Variants in MFSD12 observed in about 807,000 individuals in gnomAD.
MFSD12 encodes the protein major facilitator superfamily domain containing 12, also known as major facilitator superfamily domain-containing protein 12.
Under a neutral mutation model 51.2 loss-of-function variants are expected in MFSD12, and 67 were observed. That is an observed-to-expected ratio of 1.31 (90% CI 1.08 to 1.60). The LOEUF (loss-of-function observed/expected upper bound fraction) is 1.60. Among genes scored for constraint, MFSD12 ranks in the 40% most tolerant of loss-of-function variants. MFSD12 has a pLI of 0.00. For synonymous variants in MFSD12, 441 were observed against 316.7 expected (o/e 1.39, Z -4.17); for missense variants, 921 against 673.0 (o/e 1.37, Z -4.08).
At position 3,544,336 on chromosome 19, in the gene MFSD12, C is replaced by T; in HGVS notation, c.*374G>A. The T allele has an allele frequency of 7.9e-7, 1 of 1,272,766 alleles. No homozygotes were observed. The highest frequency in any genetic ancestry group is 9.9e-7 in the Non-Finnish European group (1 of 1,009,070). 78.8% of individuals were successfully genotyped at this position (1,272,766 alleles called of 1,614,324 possible). ...CAGGCTCCAGCCGTCCTGAGGGGGC[C>T]CTGGCAGTGTCTGGAGACCCCCAGG... On this transcript the variant is annotated 3_prime_UTR_variant, in exon 10 of 10. Transcript: ENST00000355415.
downstream of MFSD12, chr19:3,543,984 C>T (rs1176220362): frequency 6.5e-7 from 1 of 1,547,502 alleles, no homozygotes; most frequent in Non-Finnish European, 8.7e-7. Flanking sequence ...GCGGTCCCCG[C>T]CTTCCCTCAC....
intron 2 of MFSD12, among the ~76,000 whole-genome samples, chr19:3,548,948 CACAGGCAG>C (rs1342668360): frequency 4.4e-5 from 6 of 135,962 alleles, no homozygotes; most frequent in African/African-American, 2.2e-4. Context: ...GCTGGTGATA[CACAGGCAG>C]ATGTGGAGAC....
chr19:3,539,163 G>C (rs2030139441), intron 4 of MFSD12: 1 of 1,543,564 alleles, frequency 6.5e-7, no homozygotes, highest in African/African-American at 1.4e-5. Context: ...AGGAGCCCGG[G>C]GGATCCAGGC....
At chr19:3,543,216 GC>G, downstream of MFSD12, 1 of 1,538,352 alleles carries the variant, frequency 6.5e-7, no homozygotes. Context: ...CTCAGTCTCT[GC>G]CCCCTGCCCA....
At chr19:3,552,058 G>A (rs573716339) in intron 1 of MFSD12, among the ~76,000 whole-genome samples, 2 of 152,196 alleles carry the variant, frequency 1.3e-5, no homozygotes, top group East Asian at 1.9e-4. Flanking sequence ...CTCACCCTTC[G>A]GAGCACCCGG....
At chr19:3,547,568 G>T in intron 4 of MFSD12, 21 bp from the exon 5 acceptor site, 2 of 1,591,944 alleles carry the variant, frequency 1.3e-6, no homozygotes, top group Non-Finnish European at 1.7e-6. Flanking sequence ...ACCGACAGAG[G>T]GACTGGCAGG....
intron 1 of MFSD12, among the ~76,000 whole-genome samples, chr19:3,553,128 C>T (rs886835502): frequency 6.6e-6 from 1 of 152,152 alleles, no homozygotes; most frequent in Non-Finnish European, 1.5e-5. Context: ...TGCGCAGATT[C>T]CTGGGGTCCT....
intron 1 of MFSD12, among the ~76,000 whole-genome samples, chr19:3,552,748 G>T (rs1369110274): frequency 6.6e-6 from 1 of 152,138 alleles, no homozygotes; most frequent in African/African-American, 2.4e-5. Flanking sequence ...GCCTCCCAAA[G>T]TGCTCGGATT....
Position 3,557,418 on chromosome 19 carries a change from C to T in MFSD12, c.-15G>A. 1.6e-6 allele frequency: 2 copies of T among 1,215,220 alleles called. No homozygotes were observed. Among genetic ancestry groups the T allele is most frequent in the Non-Finnish European group, 2.1e-6 (2 of 972,674 alleles). The allele number at this position is 1,215,220 out of a possible 1,614,324, so 75.3% of individuals were successfully genotyped here. ...CCCGGGCCCATCGCGGCGCCGGGCC[C>T]GCGCCCCCCACCCCCGGGCTCCGCG... On this transcript the variant is annotated 5_prime_UTR_variant, in exon 1 of 10. Transcript: ENST00000355415.
At position 3,544,860 on chromosome 19, in the gene MFSD12, C is replaced by T. The variant is rs766686590; in HGVS notation, c.1369G>A (p.Ala457Thr). Residue 457 changes from alanine (A) to threonine (T), a missense_variant, in exon 9 of 10, where the codon GCT becomes ACT. Ala to Thr is a moderately conservative substitution (Grantham distance 58). Coordinates refer to ENST00000355415, the MANE Select transcript of MFSD12 (RefSeq NM_174983.5). The part of the protein sequence containing the change: ...VAVTGGVGVA[A>T]ALCLCSLLLW... The stretch of plus-strand genomic sequence containing the variant: ...AGGAGGCTACAGAGACACAGGGCAG[C>T]GGCCACGCCCACGCCGCCCGTCACA... The T allele has an allele frequency of 1.2e-4, 195 of 1,611,566 alleles. No individual in the cohort carries two copies. The highest frequency in any genetic ancestry group is 1.4e-4 in the Non-Finnish European group (165 of 1,179,582).
rs1329439093 is a variant in MFSD12, at chr19:3,551,024, C to T, written c.469G>A (p.Val157Ile). ...TCCACCTTCTCATGGTCGTTGGTGA[C>T]GAGCTCCGGGATGAGGCTGAGGTGG... ...ISHLSLIPEL[V>I]TNDHEKVELT... is the part of the protein sequence containing the mutation. The change falls in exon 2 of 10, where the codon GTC becomes ATC. Residue 157 changes from valine to isoleucine, a missense_variant. Physicochemically the swap from Val to Ile is conservative, Grantham distance 29. Coordinates refer to ENST00000355415, the MANE Select transcript of MFSD12 (RefSeq NM_174983.5). This position sits in a 1 kb window ranked among gnomAD's most constrained non-coding sequence, Gnocchi z 4.6. 9.3e-6 allele frequency: 15 copies of T among 1,612,708 alleles called. No homozygotes were observed. The highest frequency in any genetic ancestry group is 2.2e-5 in the East Asian group (1 of 44,876).
Position 3,546,388 on chromosome 19 carries a change from A to G in MFSD12, c.1061T>C (p.Phe354Ser). 6.2e-7 allele frequency: 1 copy of G among 1,608,464 alleles called. No individual in the cohort carries two copies. Among genetic ancestry groups the G allele is most frequent in the Non-Finnish European group, 8.5e-7 (1 of 1,178,096 alleles). ...CTCCGCCAGCGCCACCCAGGCGGCA[A>G]AGGCCAGGATCACCAGGAGGCCTGA... ...YFSGLLVILA[F>S]AAWVALAEGL... Residue 354 changes from phenylalanine to serine, a missense_variant, in exon 7 of 10, where the codon TTT (phenylalanine) becomes TCT (serine). Phe to Ser is a radical substitution (Grantham distance 155). Coordinates refer to ENST00000355415, the MANE Select transcript of MFSD12 (RefSeq NM_174983.5).
intron 2 of MFSD12, among the ~76,000 whole-genome samples, chr19:3,550,140 C>T (rs1046637534): frequency 1.3e-5 from 2 of 152,174 alleles, no homozygotes; most frequent in African/African-American, 2.4e-5. Context: ...TTCCATAAGA[C>T]GCTAGCCCTG....
chr19:3,547,427 C>A, intron 5 of MFSD12, 28 bp downstream of exon 5: 1 of 1,611,710 alleles, frequency 6.2e-7, no homozygotes, highest in Non-Finnish European at 8.5e-7. Context: ...GCCGTCCCAT[C>A]CCAGCGTCCC....
downstream of MFSD12, chr19:3,543,175 A>G (rs2030574852): frequency 6.6e-7 from 1 of 1,523,306 alleles, no homozygotes; most frequent in Admixed American, 2.0e-5. Context: ...AGACATCGCA[A>G]AGGGGTCAAA....
Position 3,551,275 on chromosome 19 carries a change from G to C in MFSD12, c.299-81C>G. ...AGGGTGAGGACATGGAGGGAGGAGAGAGGGAAACTGAGGCACAGATGGAGA... is the reference window on the plus strand; with the variant it reads ...AGGGTGAGGACATGGAGGGAGGAGACAGGGAAACTGAGGCACAGATGGAGA... On this transcript the variant is annotated intron_variant, in intron 1 of 9. Transcript: ENST00000355415. The surrounding 1 kb of genome is among the most constrained non-coding windows in gnomAD (Gnocchi z 4.6). 9.0e-7 allele frequency: 1 copy of C among 1,116,102 alleles called. No individual in the cohort carries two copies. The highest frequency in any genetic ancestry group is 1.3e-6 in the Non-Finnish European group (1 of 792,298). 69.1% of individuals were successfully genotyped at this position (1,116,102 alleles called of 1,614,324 possible).
downstream of MFSD12, among the ~76,000 whole-genome samples, chr19:3,541,333 C>CAA (rs899637037): frequency 5.6e-5 from 8 of 142,068 alleles, no homozygotes; most frequent in African/African-American, 2.0e-4. Flanking sequence ...AAGACTGTCT[C>CAA]AAAAAAAAAA....
In MFSD12 at chr19:3,544,638, C is replaced by T; in HGVS notation, c.*72G>A. 1 of 1,526,796 alleles carries T rather than the reference C, an allele frequency of 6.5e-7. No individual in the cohort carries two copies. The allele number at this position is 1,526,796 out of a possible 1,614,324, so 94.6% of individuals were successfully genotyped here. On this transcript the variant is annotated 3_prime_UTR_variant, in exon 10 of 10. Coordinates refer to ENST00000355415, the MANE Select transcript of MFSD12 (RefSeq NM_174983.5). ...AGAGTGAGGGGCAGTGGGGGCTTTT[C>T]CCCAAGGCCCTGGGGGGCATCCTCG... is the stretch of plus-strand genomic sequence containing the variant.
downstream of MFSD12, chr19:3,542,618 T>C (rs1207176343): frequency 2.6e-6 from 2 of 756,630 alleles, no homozygotes; most frequent in Non-Finnish European, 3.2e-6. Flanking sequence ...GGATTACAGG[T>C]GCCCCCCGCC....
Sources: allele counts gnomAD v4.1 joint callset (sites outside exome capture counted in the v4.1 genomes callset), GRCh38; gene constraint gnomAD v4.1.1; non-coding constraint Gnocchi (gnomAD v3.1); transcripts MANE v1.5; gene names NCBI Gene and HGNC (gene_info 2026-07-23, HGNC 2026-07-21).